The following EPHX3 variants were observed in gnomAD, a reference collection of about 807,000 sequenced individuals.
EPHX3 encodes the protein abhydrolase domain containing 9.
EPHX3 carries 39 observed loss-of-function variants against 40.2 expected under a neutral mutation model. That is an observed-to-expected ratio of 0.97 (90% CI 0.75 to 1.27). EPHX3 has a LOEUF of 1.27. Ranked by LOEUF, EPHX3 falls within the 50% of genes most tolerant of loss-of-function variation. The probability of loss-of-function intolerance (pLI) is 0.00; values close to 1 mark genes in which losing one functional copy is unlikely to be tolerated. For missense variants in EPHX3, 442 were observed against 474.0 expected, an observed-to-expected ratio of 0.93 and a Z score of 0.63; for synonymous variants, 213 against 209.7, an observed-to-expected ratio of 1.02 and a Z score of -0.14.
Position 15,230,951 on chromosome 19 carries a change from C to G in EPHX3, c.616+11G>C, listed in dbSNP as rs200624047. 9.3e-4 allele frequency: 1,494 copies of G among 1,613,694 alleles called. 1 individual carries two copies. The highest frequency in any genetic ancestry group is 1.2e-3 in the Non-Finnish European group (1,399 of 1,179,816). On this transcript the variant is annotated intron_variant, in intron 4 of 6. Coordinates refer to ENST00000221730, the MANE Select transcript of EPHX3 (RefSeq NM_024794.3). ...TAAGTACATCCCAGTGTCCCGGACT[C>G]CCACACACACCTTGGTACACCGACA...
rs149458586 is a variant in EPHX3 at position 15,227,566 on chromosome 19, G to T, written c.954C>A (p.Ile318=). 2.5e-6 allele frequency: 4 copies of T among 1,614,044 alleles called. No individual in the cohort carries two copies. The highest frequency in any genetic ancestry group is 2.2e-5 in the South Asian group (2 of 91,082). ...AGCGGCCCGGCACAAAGCGGCTGCCGATGGCTTCCACCAGCCCCAGCTCCA... is the reference window on the plus strand; with the variant it reads ...AGCGGCCCGGCACAAAGCGGCTGCCTATGGCTTCCACCAGCCCCAGCTCCA... The part of the protein sequence containing the change: ...TYLELGLVEA[I]GSRFVPGRLE... The change falls in exon 7 of 7, where the codon ATC becomes ATA. Residue 318 remains isoleucine (I), a synonymous_variant. Transcript: ENST00000221730.
At chr19:15,235,566 CAAAAA>C (rs35971341), upstream of EPHX3, 2 of 76,644 alleles carry the variant, frequency 2.6e-5, no homozygotes, top group Admixed American at 1.4e-4. Flanking sequence ...GAGAACTGCA[CAAAAA>C]AAAAAAAAAA....
chr19:15,236,440 G>C (rs2047192416), upstream of EPHX3: 1 of 151,826 alleles, frequency 6.6e-6, no homozygotes, highest in Admixed American at 6.6e-5. Flanking sequence ...GAGCTTAAAT[G>C]AAAGGAGGAG....
upstream of EPHX3, among the ~76,000 whole-genome samples, chr19:15,234,536 C>T (rs975737179): frequency 2.6e-5 from 4 of 152,240 alleles, no homozygotes; most frequent in African/African-American, 9.6e-5. Context: ...AACTCCTGGC[C>T]TCAAGCAATC....
upstream of EPHX3, among the ~76,000 whole-genome samples, chr19:15,235,026 G>C (rs1211794801): frequency 6.6e-6 from 1 of 151,912 alleles, no homozygotes; most frequent in African/African-American, 2.4e-5. Flanking sequence ...TTTGAGATGG[G>C]AGTCTCACCA....
rs752444762 is a variant in EPHX3, at chr19:15,231,225, G to A, written c.487+14C>T. ...ATGAGGGAGGCCACGCCTAGGATGG[G>A]GGTATGTCTGCACCCAGGCCTAGGA... On this transcript the variant is annotated intron_variant, in intron 3 of 6. Transcript: ENST00000221730. 1 of 1,613,672 alleles carries A rather than the reference G, an allele frequency of 6.2e-7. No individual in the cohort carries two copies. The highest frequency in any genetic ancestry group is 8.5e-7 in the Non-Finnish European group (1 of 1,179,934).
At chr19:15,233,912 T>C (rs1309797971), upstream of EPHX3, among the ~76,000 whole-genome samples, 3 of 152,040 alleles carry the variant, frequency 2.0e-5, no homozygotes, top group Admixed American at 2.0e-4. Flanking sequence ...TACAAAAAAT[T>C]AGCCAGGCGT....
At chr19:15,236,183 T>C (rs2047190773), upstream of EPHX3, 1 of 152,194 alleles carries the variant, frequency 6.6e-6, no homozygotes, top group Non-Finnish European at 1.5e-5. Flanking sequence ...TAAACAGTGC[T>C]AGAAATGTTT....
At chr19:15,228,956 A>C (rs1443102761) in intron 4 of EPHX3, among the ~76,000 whole-genome samples, 3 of 151,424 alleles carry the variant, frequency 2.0e-5, no homozygotes, top group Non-Finnish European at 4.4e-5. Context: ...ACAGCACTGC[A>C]CTCCAGCCTG....
In EPHX3 at chr19:15,232,057, C is replaced by T. The variant is rs760892953; in HGVS notation, c.155G>A (p.Arg52Gln). ...IALTHVLCRP[R>Q]RGCCGRRRSA... ...CCGACGGCGCCCGCAGCAGCCGCGC[C>T]GGGGCCGGCACAGCACGTGCGTGAG... The change falls in exon 1 of 7, where the codon CGG (arginine) becomes CAG (glutamine). Residue 52 changes from arginine (R) to glutamine (Q), a missense_variant. Arg to Gln is a conservative substitution (Grantham distance 43). Coordinates refer to ENST00000221730, the MANE Select transcript of EPHX3 (RefSeq NM_024794.3). 11 of 1,578,522 alleles carry T rather than the reference C, an allele frequency of 7.0e-6. No individual in the cohort carries two copies. Among genetic ancestry groups the T allele is most frequent in the Non-Finnish European group, 5.1e-6 (6 of 1,168,784 alleles).
chr19:15,227,072 T>G lies in EPHX3; in HGVS notation c.*365A>C. ...AAGGCAGGGACAGGAAGGTCAGGGT[T>G]TAAGGTCTGTGCAGCTATGGCAGAG... On this transcript the variant is annotated 3_prime_UTR_variant, in exon 7 of 7. Transcript: ENST00000221730. The G allele has an allele frequency of 3.6e-6, 1 of 280,758 alleles. No homozygotes were observed. The highest frequency in any genetic ancestry group is 6.8e-6 in the Non-Finnish European group (1 of 146,724). 17.4% of individuals were successfully genotyped at this position (280,758 alleles called of 1,614,324 possible). A position where few individuals can be genotyped will look rare whatever the true frequency, so the allele number is the denominator to read the frequency against.
upstream of EPHX3, among the ~76,000 whole-genome samples, chr19:15,235,087 C>T (rs12978304): frequency 0.017 from 2,539 of 149,610 alleles, 22 homozygotes; most frequent in Non-Finnish European, 0.026. Flanking sequence ...CCGCAACCTC[C>T]GCCTCCAGTG....
chr19:15,229,328 G>T (rs1339698071), intron 4 of EPHX3, among the ~76,000 whole-genome samples: 1 of 152,058 alleles, frequency 6.6e-6, no homozygotes, highest in African/African-American at 2.4e-5. Context: ...TGCCAGGCAG[G>T]GTGGCTCACT....
chr19:15,234,641 G>C (rs1186576877), upstream of EPHX3, among the ~76,000 whole-genome samples: 1 of 152,110 alleles, frequency 6.6e-6, no homozygotes, highest in East Asian at 1.9e-4. Flanking sequence ...ATCAGCCACT[G>C]ACTTGCTCAC....
chr19:15,235,918 G>C (rs1202063380), upstream of EPHX3: 5 of 152,262 alleles, frequency 3.3e-5, no homozygotes, highest in African/African-American at 1.2e-4. Context: ...GTTGGACCCA[G>C]GCTGGGGAAG....
chr19:15,227,820 G>GT lies in EPHX3; in HGVS notation c.807dup (p.Gln270ThrfsTer133), dbSNP rs767906306. On this transcript the variant is annotated frameshift_variant, in exon 6 of 7. Coordinates refer to ENST00000221730, the MANE Select transcript of EPHX3 (RefSeq NM_024794.3). LOFTEE classifies it high-confidence loss of function. ...AGGGGCCCAGTGAGGCCACCAGGCT[G>GT]TGAGAAGTTATAAAGGAAGGCCTCG... The GT allele has an allele frequency of 1.4e-5, 23 of 1,613,972 alleles. No individual in the cohort carries two copies. The highest frequency in any genetic ancestry group is 1.5e-5 in the Non-Finnish European group (18 of 1,180,024).
intron 4 of EPHX3, among the ~76,000 whole-genome samples, chr19:15,229,527 G>C (rs2047136716): frequency 6.6e-6 from 1 of 151,390 alleles, no homozygotes; most frequent in South Asian, 2.1e-4. Context: ...ACTTGAACCT[G>C]AGAGGCGGAG....
upstream of EPHX3, chr19:15,236,181 G>A (rs916385582): frequency 3.3e-5 from 5 of 152,230 alleles, no homozygotes; most frequent in African/African-American, 1.2e-4. Flanking sequence ...AATAAACAGT[G>A]CTAGAAATGT....
In EPHX3 at chr19:15,227,179, A is replaced by G; in HGVS notation, c.*258T>C. On this transcript the variant is annotated 3_prime_UTR_variant, in exon 7 of 7. Transcript: ENST00000221730. ...CGGTCTCGGCATCTGGCTCCACTGG[A>G]AGAGAGGTATACCCAGTTCCCAGGG... The G allele has an allele frequency of 2.1e-6, 1 of 474,056 alleles. No homozygotes were observed. Among genetic ancestry groups the G allele is most frequent in the Non-Finnish European group, 3.8e-6 (1 of 263,706 alleles). 29.4% of individuals were successfully genotyped at this position (474,056 alleles called of 1,614,324 possible).
Sources: gnomAD v4.1 joint callset for allele counts (sites outside exome capture counted in the v4.1 genomes callset) on GRCh38, gnomAD v4.1.1 for gene constraint, MANE v1.5 for transcripts, NCBI Gene and HGNC (gene_info 2026-07-23, HGNC 2026-07-21) for gene names.